The following DTWD2 variants were observed in gnomAD, a reference collection of about 807,000 sequenced individuals.
The protein encoded by DTWD2 is tRNA-uridine aminocarboxypropyltransferase 2.
Under a neutral mutation model 31.8 loss-of-function variants are expected in DTWD2, and 39 were observed. That is an observed-to-expected ratio of 1.22 (90% confidence interval 0.95 to 1.60). The LOEUF (loss-of-function observed/expected upper bound fraction) is 1.60. Among genes scored for constraint, DTWD2 ranks in the 40% most tolerant of loss-of-function variants. The probability of loss-of-function intolerance (pLI) is 0.00; values close to 1 mark genes in which losing one functional copy is unlikely to be tolerated. For synonymous variants in DTWD2, 180 were observed against 142.8 expected (o/e 1.26, Z -1.86); for missense variants, 515 against 381.5 (o/e 1.35, Z -2.92).
chr5:118,854,522 A>G (rs1752086540), intron 4 of DTWD2, among the ~76,000 whole-genome samples: 2 of 152,120 alleles, frequency 1.3e-5, no homozygotes, highest in Admixed American at 6.5e-5. Flanking sequence ...TAGAAAAAAA[A>G]AATTCTAAAG....
intron 3 of DTWD2, among the ~76,000 whole-genome samples, chr5:118,937,723 A>C (rs1754076166): frequency 6.6e-6 from 1 of 152,216 alleles, no homozygotes; most frequent in South Asian, 2.1e-4. Context: ...CACAGACCTT[A>C]ATAAAGGCAT....
At position 118,877,557 on chromosome 5, in the gene DTWD2, TA is replaced by T. The variant is rs573307424; in HGVS notation, c.598-29340del. On this transcript the variant is annotated intron_variant, in intron 4 of 5. Coordinates refer to ENST00000510708, the MANE Select transcript of DTWD2 (RefSeq NM_173666.4). ...ATACCTCAAAATAATAAGAGCCATA[TA>T]TGACAAACCAGCAGCCAACATCATA... Among the ~76,000 whole-genome samples, 693 of 152,080 alleles carry T rather than the reference TA, an allele frequency of 4.6e-3. 7 individuals are homozygous for T. Among genetic ancestry groups the T allele is most frequent in the African/African-American group, 0.016 (660 of 41,496 alleles).
chr5:118,861,713 T>C (rs1752263591), intron 4 of DTWD2, among the ~76,000 whole-genome samples: 1 of 152,136 alleles, frequency 6.6e-6, no homozygotes. Context: ...AGGGGAGAAG[T>C]TCCCTGTGTC....
intron 4 of DTWD2, among the ~76,000 whole-genome samples, chr5:118,904,509 T>G (rs1753282427): frequency 6.6e-6 from 1 of 152,134 alleles, no homozygotes; most frequent in African/African-American, 2.4e-5. Flanking sequence ...TAAAACATTT[T>G]TTGTCTGTTT....
intron 4 of DTWD2, among the ~76,000 whole-genome samples, chr5:118,927,606 G>C (rs1407217808): frequency 1.3e-5 from 2 of 152,002 alleles, no homozygotes; most frequent in East Asian, 3.9e-4. Context: ...CTGTATATAA[G>C]TATATGGCAA....
chr5:118,901,737 A>G (rs1385341178), intron 4 of DTWD2, among the ~76,000 whole-genome samples: 1 of 152,164 alleles, frequency 6.6e-6, no homozygotes, highest in South Asian at 2.1e-4. Flanking sequence ...ATTTCCTCAG[A>G]TTATCAAAAG....
At chr5:118,887,803 G>C (rs1365437647) in intron 4 of DTWD2, among the ~76,000 whole-genome samples, 1 of 152,052 alleles carries the variant, frequency 6.6e-6, no homozygotes, top group African/African-American at 2.4e-5. Flanking sequence ...GTTTTGTTTT[G>C]GTTTGGTTTG....
intron 1 of DTWD2, among the ~76,000 whole-genome samples, chr5:118,970,208 C>G (rs1348988432): frequency 6.6e-6 from 1 of 152,198 alleles, no homozygotes; most frequent in Non-Finnish European, 1.5e-5. Flanking sequence ...AGGCAGATCA[C>G]CTGAGGTCAG....
At position 118,839,148 on chromosome 5, in the gene DTWD2, C is replaced by G. The variant is rs1164489051; in HGVS notation, c.*1769G>C. On this transcript the variant is annotated 3_prime_UTR_variant, in exon 6 of 6. Coordinates refer to ENST00000510708, the MANE Select transcript of DTWD2 (RefSeq NM_173666.4). ...CTGCACTCCAGCCTGGGCGACAGAG[C>G]GAGATTCCATCTCAAATAATAATAA... 6.7e-6 allele frequency: 1 copy of G among 149,622 alleles called. No individual in the cohort carries two copies. Among genetic ancestry groups the G allele is most frequent in the Admixed American group, 6.6e-5 (1 of 15,188 alleles). 9.3% of individuals were successfully genotyped at this position (149,622 alleles called of 1,614,324 possible). A position where few individuals can be genotyped will look rare whatever the true frequency, so the allele number is the denominator to read the frequency against.
At chr5:118,932,937 C>CA (rs918631917) in intron 3 of DTWD2, among the ~76,000 whole-genome samples, 27 of 141,370 alleles carry the variant, frequency 1.9e-4, no homozygotes, top group Non-Finnish European at 3.1e-4. Flanking sequence ...CTGAGGTAAT[C>CA]AAAAAAAAAA....
chr5:118,957,628 G>A (rs1208257528), intron 1 of DTWD2, among the ~76,000 whole-genome samples: 2 of 151,768 alleles, frequency 1.3e-5, no homozygotes, highest in African/African-American at 2.4e-5. Flanking sequence ...TTCTTTTTGC[G>A]AATTGGGCAG....
At position 118,915,771 on chromosome 5, in the gene DTWD2, G is replaced by C. The variant is rs554806868; in HGVS notation, c.597+12766C>G. On this transcript the variant is annotated intron_variant, in intron 4 of 5. Coordinates refer to ENST00000510708, the MANE Select transcript of DTWD2 (RefSeq NM_173666.4). ...TAATCACTAAGAATTCCATCTAGGT[G>C]TGTGAGTAAAAGAGTAAGTGGCTGA... Among the ~76,000 whole-genome samples, 3 of 152,336 alleles carry C rather than the reference G, an allele frequency of 2.0e-5. No individual in the cohort carries two copies. The East Asian group carries it at 5.8e-4, about 29-fold the overall frequency.
At chr5:118,988,179 C>T (rs769844291) in intron 1 of DTWD2, 115 bp downstream of exon 1, 501 of 1,331,448 alleles carry the variant, frequency 3.8e-4, no homozygotes, top group Non-Finnish European at 4.9e-4. Context: ...CACCCGCCAA[C>T]TCCGCCGCCC....
intron 3 of DTWD2, among the ~76,000 whole-genome samples, chr5:118,932,217 C>A (rs1753939891): frequency 6.6e-6 from 1 of 151,428 alleles, no homozygotes; most frequent in South Asian, 2.1e-4. Context: ...TAGGGCCATG[C>A]ATTGTGGCTC....
At chr5:118,904,452 C>A in intron 4 of DTWD2, among the ~76,000 whole-genome samples, 1 of 151,974 alleles carries the variant, frequency 6.6e-6, no homozygotes, top group East Asian at 1.9e-4. Context: ...AGAATGGCAC[C>A]ATTTTTTGTA....
chr5:118,841,807 T>C (rs1217809113), intron 5 of DTWD2, among the ~76,000 whole-genome samples: 1 of 152,132 alleles, frequency 6.6e-6, no homozygotes, highest in Non-Finnish European at 1.5e-5. Context: ...TGCCAGTGTT[T>C]TAAACATATT....
At position 118,837,426 on chromosome 5, in the gene DTWD2, A is replaced by G. The variant is rs528554323; in HGVS notation, c.*3491T>C. The G allele has an allele frequency of 1.2e-4, 19 of 152,350 alleles. No individual in the cohort carries two copies. Among genetic ancestry groups the G allele is most frequent in the African/African-American group, 4.3e-4 (18 of 41,586 alleles). 9.4% of individuals were successfully genotyped at this position (152,350 alleles called of 1,614,324 possible). A position where few individuals can be genotyped will look rare whatever the true frequency, so the allele number is the denominator to read the frequency against. ...TTTTGTAAAACTTTTGAGTTTACTA[A>G]GTCAGATCTAATTTTTTACTTGTAG... On this transcript the variant is annotated 3_prime_UTR_variant, in exon 6 of 6. Coordinates refer to ENST00000510708, the MANE Select transcript of DTWD2 (RefSeq NM_173666.4).
chr5:118,925,617 G>C (rs180781070), intron 4 of DTWD2, among the ~76,000 whole-genome samples: 1 of 151,156 alleles, frequency 6.6e-6, no homozygotes, highest in African/African-American at 2.4e-5. Flanking sequence ...AGGCCGAGGC[G>C]GGTGGATCAC....
At chr5:118,880,888 A>G (rs186767706) in intron 4 of DTWD2, among the ~76,000 whole-genome samples, 2 of 152,310 alleles carry the variant, frequency 1.3e-5, no homozygotes, top group East Asian at 1.9e-4. Context: ...ACATTTCTCA[A>G]TATTTTTATA....
Sources: gnomAD v4.1 joint callset for allele counts (sites outside exome capture counted in the v4.1 genomes callset) on GRCh38, gnomAD v4.1.1 for gene constraint, MANE v1.5 for transcripts, NCBI Gene and HGNC (gene_info 2026-07-23, HGNC 2026-07-21) for gene names.